CNTNAP4: variants seen among roughly 807,000 people sequenced by gnomAD.
The protein encoded by CNTNAP4 is contactin associated protein family member 4, also known as contactin-associated protein-like 4.
CNTNAP4 carries 98 observed loss-of-function variants against 148.4 expected under a neutral mutation model. That is an observed-to-expected ratio of 0.66 (90% CI 0.56 to 0.78). The LOEUF (loss-of-function observed/expected upper bound fraction) is 0.78. Ranked by LOEUF, CNTNAP4 falls within the 30% of genes least tolerant of loss-of-function variation. CNTNAP4 has a pLI of 0.00. For synonymous variants in CNTNAP4, 730 were observed against 565.1 expected (o/e 1.29, Z -4.14); for missense variants, 1,935 against 1,565.6 (o/e 1.24, Z -3.98).
chr16:76,316,683 G>A (rs1192274901), intron 2 of CNTNAP4, among the ~76,000 whole-genome samples, 160 bp downstream of exon 2: 1 of 152,178 alleles, frequency 6.6e-6, no homozygotes, highest in East Asian at 1.9e-4. Flanking sequence ...TCTAGCTTCT[G>A]TTCTGGAATG....
Position 76,485,576 on chromosome 16 carries a change from T to C in CNTNAP4, c.1883-4110T>C, listed in dbSNP as rs377533892. Among the ~76,000 whole-genome samples the C allele has an allele frequency of 1.9e-3, 295 of 152,304 alleles. 2 individuals carry two copies. Among genetic ancestry groups the C allele is most frequent in the African/African-American group, 6.8e-3 (283 of 41,554 alleles). ...AAAGTGAAAACTCTATGGGTTAAAC[T>C]CACCCCTTCTCATGGTCCCATTACT... On this transcript the variant is annotated intron_variant, in intron 12 of 23. Coordinates refer to ENST00000611870, the MANE Select transcript of CNTNAP4 (RefSeq NM_033401.5).
At chr16:76,478,167 T>C (rs1055059797) in intron 11 of CNTNAP4, among the ~76,000 whole-genome samples, 2 of 152,184 alleles carry the variant, frequency 1.3e-5, no homozygotes, top group Non-Finnish European at 2.9e-5. Flanking sequence ...AGTCAAGCCA[T>C]ACACATAAAT....
At chr16:76,321,220 G>A (rs1433933886) in intron 2 of CNTNAP4, among the ~76,000 whole-genome samples, 1 of 152,144 alleles carries the variant, frequency 6.6e-6, no homozygotes, top group Non-Finnish European at 1.5e-5. Flanking sequence ...ATCTGTAGAG[G>A]AATTAGCTTA....
At chr16:76,448,453 C>T (rs933770768) in intron 5 of CNTNAP4, among the ~76,000 whole-genome samples, 9 of 151,844 alleles carry the variant, frequency 5.9e-5, no homozygotes, top group African/African-American at 2.2e-4. Flanking sequence ...TTTCTAACAT[C>T]ATAAAGGAAG....
intron 15 of CNTNAP4, among the ~76,000 whole-genome samples, chr16:76,516,313 G>A (rs2083252435): frequency 6.7e-6 from 1 of 150,264 alleles, no homozygotes; most frequent in African/African-American, 2.5e-5. Context: ...TGGTGTAGAT[G>A]CGCCACATTT....
intron 1 of CNTNAP4, among the ~76,000 whole-genome samples, chr16:76,313,442 C>T (rs1401561149): frequency 6.6e-6 from 1 of 152,176 alleles, no homozygotes; most frequent in Non-Finnish European, 1.5e-5. Flanking sequence ...ATACATGCCA[C>T]AGTTTCCAGA....
At chr16:76,427,392 G>A (rs1263632535) in intron 3 of CNTNAP4, 60 bp from the exon 4 acceptor site, 36 of 1,462,340 alleles carry the variant, frequency 2.5e-5, no homozygotes, top group African/African-American at 4.2e-5. Flanking sequence ...CATTATAGGT[G>A]ACAAGCTGAA....
At chr16:76,347,272 C>T (rs1964986515) in intron 2 of CNTNAP4, among the ~76,000 whole-genome samples, 1 of 152,000 alleles carries the variant, frequency 6.6e-6, no homozygotes, top group South Asian at 2.1e-4. Context: ...CCAGCTTTTT[C>T]AGTAGGTTGT....
chr16:76,400,624 C>T lies in CNTNAP4; in HGVS notation c.391-26828C>T, dbSNP rs192585218. Reference sequence around the variant, plus strand: ...CATGAAATCTTTGCCCATTGTATGTCCAGGATGGTGTTACCTAGGTTGTCT... The same window carrying T: ...CATGAAATCTTTGCCCATTGTATGTTCAGGATGGTGTTACCTAGGTTGTCT... On this transcript the variant is annotated intron_variant, in intron 3 of 23. Transcript: ENST00000611870. Among the ~76,000 whole-genome samples, 271 of 152,146 alleles carry T rather than the reference C, an allele frequency of 1.8e-3. 3 individuals carry two copies. The highest frequency in any genetic ancestry group is 3.0e-3 in the Admixed American group (46 of 15,270).
chr16:76,384,189 A>ACG (rs1401331379), intron 3 of CNTNAP4, among the ~76,000 whole-genome samples: 3 of 151,802 alleles, frequency 2.0e-5, no homozygotes, highest in African/African-American at 7.3e-5. Flanking sequence ...GATTACAGGC[A>ACG]TGCACCACCA....
chr16:76,466,861 G>T (rs11860021), intron 9 of CNTNAP4, among the ~76,000 whole-genome samples: 185 of 152,114 alleles, frequency 1.2e-3, no homozygotes, highest in African/African-American at 4.1e-3. Flanking sequence ...TAGATAAACA[G>T]TTGGTAATTT....
chr16:76,356,576 T>A (rs2012678245), intron 3 of CNTNAP4, among the ~76,000 whole-genome samples: 2 of 152,220 alleles, frequency 1.3e-5, no homozygotes, highest in African/African-American at 4.8e-5. Context: ...GACTTCTTTC[T>A]TAGTGCAGAA....
rs1419013911 is a variant in CNTNAP4 at position 76,559,545 on chromosome 16, C to A, written c.*862C>A. ...ATATTAAAAAAAATTCTTAACACAG[C>A]AAAAAATTATTATTTAATTTACAAC... On this transcript the variant is annotated 3_prime_UTR_variant, in exon 24 of 24. Coordinates refer to ENST00000611870, the MANE Select transcript of CNTNAP4 (RefSeq NM_033401.5). 6.6e-6 allele frequency among the ~76,000 whole-genome samples: 1 copy of A among 151,988 alleles called. No homozygotes were observed. The highest frequency in any genetic ancestry group is 1.9e-4 in the East Asian group (1 of 5,184).
intron 15 of CNTNAP4, among the ~76,000 whole-genome samples, chr16:76,501,415 A>C (rs2082638900): frequency 6.6e-6 from 1 of 152,160 alleles, no homozygotes; most frequent in Admixed American, 6.5e-5. Context: ...GTATGTTTTA[A>C]GTGAGGTCCC....
chr16:76,340,772 C>G (rs989667554), intron 2 of CNTNAP4, among the ~76,000 whole-genome samples: 1 of 152,168 alleles, frequency 6.6e-6, no homozygotes, highest in African/African-American at 2.4e-5. Flanking sequence ...AGCGTGAGAA[C>G]TCCTAACTCT....
chr16:76,427,583 G>C lies in CNTNAP4; in HGVS notation c.522G>C (p.Val174=). The part of the protein sequence containing the change: ...PKGRIGMRIE[V]FGCAYRSEVV... ...GCAGAATTGGAATGCGAATCGAAGT[G>C]TTCGGATGTGCATACAGTAAGTGTT... The change falls in exon 4 of 24, where the codon GTG becomes GTC. Residue 174 remains valine, a synonymous_variant. Transcript: ENST00000611870. 3 of 1,610,986 alleles carry C rather than the reference G, an allele frequency of 1.9e-6. No homozygotes were observed. Among genetic ancestry groups the C allele is most frequent in the Non-Finnish European group, 2.5e-6 (3 of 1,178,632 alleles).
Position 76,449,875 on chromosome 16 carries a change from G to T in CNTNAP4, c.1071+17G>T, listed in dbSNP as rs377065311. On this transcript the variant is annotated intron_variant, in intron 7 of 23. Coordinates refer to ENST00000611870, the MANE Select transcript of CNTNAP4 (RefSeq NM_033401.5). ...ATTGCTATGGTGAGAGTCTTTATGCGAAGACATTAGTAAAACTATATTTCT... is the reference window on the plus strand; with the variant it reads ...ATTGCTATGGTGAGAGTCTTTATGCTAAGACATTAGTAAAACTATATTTCT... 6.3e-7 allele frequency: 1 copy of T among 1,581,392 alleles called. No homozygotes were observed. Among genetic ancestry groups the T allele is most frequent in the African/African-American group, 1.4e-5 (1 of 73,562 alleles).
chr16:76,498,513 C>A, intron 14 of CNTNAP4, 54 bp from the exon 15 acceptor site: 1 of 1,530,172 alleles, frequency 6.5e-7, no homozygotes. Context: ...TTTTGCAATG[C>A]AATAAGGACT....
At chr16:76,322,840 TTTTG>T (rs1962566531) in intron 2 of CNTNAP4, among the ~76,000 whole-genome samples, 2 of 137,618 alleles carry the variant, frequency 1.5e-5, no homozygotes, top group Admixed American at 1.4e-4. Context: ...ATTTTTTATT[TTTTG>T]TTTTTTTTTT....
Sources: allele counts gnomAD v4.1 joint callset (sites outside exome capture counted in the v4.1 genomes callset), GRCh38; gene constraint gnomAD v4.1.1; transcripts MANE v1.5; gene names NCBI Gene and HGNC (gene_info 2026-07-23, HGNC 2026-07-21).